Variants in FLVCR2 observed in about 807,000 individuals in gnomAD.
FLVCR2 encodes FLVCR choline and putative heme transporter 2.
In FLVCR2, 38 loss-of-function variants were observed where a neutral mutation model predicts 48.9. The observed-to-expected ratio is 0.78, with a 90% CI of 0.60 to 1.02. The LOEUF is 1.02. Ranked by LOEUF, FLVCR2 falls within the 50% of genes least tolerant of loss-of-function variation. FLVCR2 has a pLI of 0.00. For missense variants in FLVCR2, 664 were observed against 663.3 expected (o/e 1.00, Z -0.01); for synonymous variants, 255 against 257.0 (o/e 0.99, Z 0.07).
intron 9 of FLVCR2, among the ~76,000 whole-genome samples, chr14:75,644,219 T>C (rs1049993343): frequency 1.3e-5 from 2 of 152,166 alleles, no homozygotes; most frequent in African/African-American, 4.8e-5. Context: ...AAAATAAAAA[T>C]CACCTATAAT....
At chr14:75,627,879 A>G (rs528826620) in intron 3 of FLVCR2, among the ~76,000 whole-genome samples, 43 of 152,322 alleles carry the variant, frequency 2.8e-4, no homozygotes, top group African/African-American at 1.0e-3. Flanking sequence ...TTAATCACAG[A>G]TTTGAAAAAA....
chr14:75,634,665 A>G (rs555952527), intron 4 of FLVCR2, among the ~76,000 whole-genome samples: 2 of 152,216 alleles, frequency 1.3e-5, no homozygotes, highest in Non-Finnish European at 2.9e-5. Context: ...TAGTTCTAAG[A>G]ACAGATTTGG....
At chr14:75,619,477 T>TCATCCATCCATCCATCCATC (rs34627368) in intron 1 of FLVCR2, among the ~76,000 whole-genome samples, 91 of 150,908 alleles carry the variant, frequency 6.0e-4, no homozygotes, top group Non-Finnish European at 7.4e-4. Context: ...GTTCATCTGC[T>TCATCCATCCATCCATCCATC]CATCCATCCA....
At chr14:75,633,934 A>AT (rs1180608864) in intron 4 of FLVCR2, among the ~76,000 whole-genome samples, 2,094 of 141,014 alleles carry the variant, frequency 0.015, 43 homozygotes, top group African/African-American at 0.042. Context: ...CTGAGCTCTC[A>AT]TTTTTTTTTT....
At chr14:75,640,352 T>A (rs561806215) in intron 6 of FLVCR2, among the ~76,000 whole-genome samples, 3 of 151,100 alleles carry the variant, frequency 2.0e-5, no homozygotes, top group Admixed American at 2.0e-4. Context: ...TTCACAGGAG[T>A]CTTTGTTCAG....
chr14:75,608,470 G>A (rs770224259), intron 1 of FLVCR2, among the ~76,000 whole-genome samples: 1 of 152,272 alleles, frequency 6.6e-6, no homozygotes, highest in African/African-American at 2.4e-5. Flanking sequence ...GCCTAAGATG[G>A]TTCCTCTCTT....
intron 1 of FLVCR2, among the ~76,000 whole-genome samples, chr14:75,615,350 G>C (rs1293938179): frequency 5.3e-5 from 8 of 152,208 alleles, no homozygotes; most frequent in Admixed American, 3.9e-4. Context: ...GATGGAGCCA[G>C]AGAAGGAAGT....
chr14:75,580,980 G>T (rs1888585869), intron 1 of FLVCR2, among the ~76,000 whole-genome samples: 1 of 152,132 alleles, frequency 6.6e-6, no homozygotes, highest in Non-Finnish European at 1.5e-5. Flanking sequence ...GTGAAGTGTT[G>T]GAGCAGCGAA....
At chr14:75,621,682 G>A (rs1262503090) in intron 1 of FLVCR2, among the ~76,000 whole-genome samples, 1 of 152,166 alleles carries the variant, frequency 6.6e-6, no homozygotes, top group East Asian at 1.9e-4. Flanking sequence ...CCCCAGCTGG[G>A]CTCTCAGCTC....
chr14:75,596,048 A>G, intron 1 of FLVCR2: 2 of 1,289,392 alleles, frequency 1.6e-6, no homozygotes, highest in Non-Finnish European at 2.2e-6. Context: ...CAAAGATGAC[A>G]TCCAGTGTGG....
chr14:75,579,071 CTCGG>C lies in FLVCR2; in HGVS notation c.102_105del (p.Val35IlefsTer23). ...CCAGCGTCTCGGTCCATCCCAGCGT[CTCGG>C]TCCATCCCAGCGTCTCCATCAACCC... On this transcript the variant is annotated frameshift_variant, in exon 1 of 10. Coordinates refer to ENST00000238667, the MANE Select transcript of FLVCR2 (RefSeq NM_017791.3). LOFTEE classifies it high-confidence loss of function. 1 of 1,613,960 alleles carries C rather than the reference CTCGG, an allele frequency of 6.2e-7. No individual in the cohort carries two copies. The highest frequency in any genetic ancestry group is 1.1e-5 in the South Asian group (1 of 91,070).
chr14:75,601,438 G>C (rs897754857), intron 1 of FLVCR2, among the ~76,000 whole-genome samples: 7 of 152,132 alleles, frequency 4.6e-5, no homozygotes, highest in Admixed American at 3.9e-4. Flanking sequence ...ACAGTCAATA[G>C]CACCTAAAAA....
intron 1 of FLVCR2, among the ~76,000 whole-genome samples, chr14:75,580,063 T>C (rs1228971935): frequency 6.6e-6 from 1 of 152,222 alleles, no homozygotes; most frequent in Admixed American, 6.5e-5. Context: ...TCTCCTCTAC[T>C]GCATAGAATT....
intron 3 of FLVCR2, among the ~76,000 whole-genome samples, chr14:75,627,995 C>T (rs1257691662): frequency 2.6e-5 from 4 of 152,204 alleles, no homozygotes; most frequent in Admixed American, 6.5e-5. Context: ...CATGAGGAAA[C>T]TGAGGCTCTA....
intron 5 of FLVCR2, among the ~76,000 whole-genome samples, chr14:75,637,375 G>A (rs757047700): frequency 5.9e-5 from 9 of 152,344 alleles, no homozygotes; most frequent in African/African-American, 1.4e-4. Context: ...CAACCGTAGC[G>A]TGCCATTTGG....
At chr14:75,624,051 C>CA (rs113146700) in intron 2 of FLVCR2, among the ~76,000 whole-genome samples, 107 of 147,042 alleles carry the variant, frequency 7.3e-4, no homozygotes, top group African/African-American at 2.0e-3. Flanking sequence ...GACTTCGTCT[C>CA]AAAAAAAAAA....
intron 8 of FLVCR2, 74 bp downstream of exon 8, chr14:75,641,367 G>A: frequency 1.1e-6 from 1 of 932,034 alleles, no homozygotes; most frequent in South Asian, 1.3e-5. Context: ...TGGAGCAACA[G>A]ATAGGGAGTA....
intron 1 of FLVCR2, 146 bp downstream of exon 1, chr14:75,579,787 G>C (rs1306522090): frequency 2.2e-6 from 2 of 929,452 alleles, no homozygotes; most frequent in Non-Finnish European, 3.4e-6. Flanking sequence ...CAGTGATTGT[G>C]ATGCTGTAAG....
chr14:75,609,570 A>G (rs766550746), intron 1 of FLVCR2, among the ~76,000 whole-genome samples: 8 of 152,220 alleles, frequency 5.3e-5, no homozygotes, highest in Non-Finnish European at 8.8e-5. Flanking sequence ...GGAAAAAGCT[A>G]CATGGGTCCC....
Sources: allele counts gnomAD v4.1 joint callset (sites outside exome capture counted in the v4.1 genomes callset), GRCh38; gene constraint gnomAD v4.1.1; transcripts MANE v1.5; gene names NCBI Gene and HGNC (gene_info 2026-07-23, HGNC 2026-07-21).